Variants in ATP8A2 observed in about 807,000 individuals in gnomAD.
ATP8A2 encodes the protein phospholipid-transporting ATPase IB.
A neutral mutation model predicts 165.6 loss-of-function variants in ATP8A2; 100 were observed. That is an observed-to-expected ratio of 0.60 (90% confidence interval 0.51 to 0.71). The LOEUF (loss-of-function observed/expected upper bound fraction) is 0.71. Ranked by LOEUF, ATP8A2 falls within the 30% of genes least tolerant of loss-of-function variation. The pLI, the probability that ATP8A2 is intolerant of heterozygous loss-of-function variation, is 0.00. For missense variants in ATP8A2, 1,227 were observed against 1,479.5 expected (o/e 0.83, Z 2.80); for synonymous variants, 543 against 548.8 (o/e 0.99, Z 0.15).
At chr13:26,015,396 TTCC>T (rs1304107886) in intron 36 of ATP8A2, among the ~76,000 whole-genome samples, 1 of 152,178 alleles carries the variant, frequency 6.6e-6, no homozygotes, top group African/African-American at 2.4e-5. Context: ...AGTATTTTAG[TTCC>T]TGTGAGCCAC....
intron 2 of ATP8A2, among the ~76,000 whole-genome samples, chr13:25,505,201 G>C (rs942277159): frequency 1.5e-5 from 2 of 137,232 alleles, no homozygotes; most frequent in African/African-American, 5.7e-5. Context: ...TTTCGGCGGG[G>C]CGGGGGGGGG....
intron 2 of ATP8A2, among the ~76,000 whole-genome samples, chr13:25,512,783 G>C (rs1296177191): frequency 2.8e-5 from 4 of 141,664 alleles, no homozygotes. Context: ...CAGGCAGGGG[G>C]CTGACCCCCC....
rs368511368 is a variant in ATP8A2 at position 25,795,951 on chromosome 13, CT to C, written c.2679+21006del. ...ACAGGACAGCATTTCACTAACATAT[CT>C]TTTTTTTTTTTTTAAAAGACAGGGT... On this transcript the variant is annotated intron_variant, in intron 27 of 36. Transcript: ENST00000381655. Among the ~76,000 whole-genome samples the C allele has an allele frequency of 4.2e-3, 605 of 144,198 alleles. 2 individuals carry two copies. Among genetic ancestry groups the C allele is most frequent in the African/African-American group, 4.6e-3 (181 of 39,620 alleles). The allele number at this position is 144,198 out of a possible 152,430, so 94.6% of individuals were successfully genotyped here. A position where few individuals can be genotyped will look rare whatever the true frequency, so the allele number is the denominator to read the frequency against.
intron 1 of ATP8A2, among the ~76,000 whole-genome samples, chr13:25,449,245 C>G (rs183167758): frequency 1.4e-4 from 22 of 152,172 alleles, no homozygotes; most frequent in African/African-American, 4.6e-4. Flanking sequence ...CTAATGTAAG[C>G]ATTTAAGCTA....
chr13:25,388,602 C>G (rs947369681), intron 1 of ATP8A2, among the ~76,000 whole-genome samples: 1 of 152,308 alleles, frequency 6.6e-6, no homozygotes, highest in South Asian at 2.1e-4. Context: ...TATACAATGT[C>G]TGTAATCTAT....
chr13:25,385,940 A>AT (rs201700019), intron 1 of ATP8A2, among the ~76,000 whole-genome samples: 1,796 of 146,598 alleles, frequency 0.012, 34 homozygotes, highest in African/African-American at 0.043. Flanking sequence ...TTTGTAGACA[A>AT]TTTGCTCTGT....
chr13:25,483,507 T>G (rs1400475684), intron 2 of ATP8A2, among the ~76,000 whole-genome samples: 6 of 151,926 alleles, frequency 3.9e-5, no homozygotes, highest in Non-Finnish European at 4.4e-5. Flanking sequence ...CACCAAACTT[T>G]TGACAGATCT....
At chr13:25,900,729 T>G (rs1953716049) in intron 33 of ATP8A2, among the ~76,000 whole-genome samples, 1 of 152,148 alleles carries the variant, frequency 6.6e-6, no homozygotes, top group East Asian at 1.9e-4. Flanking sequence ...GCTTAAGATT[T>G]TATTTTTATT....
chr13:25,784,088 A>G (rs1191876923), intron 27 of ATP8A2, among the ~76,000 whole-genome samples: 1 of 152,180 alleles, frequency 6.6e-6, no homozygotes, highest in Non-Finnish European at 1.5e-5. Context: ...CCATGTGACA[A>G]TCTATGCTTT....
intron 27 of ATP8A2, among the ~76,000 whole-genome samples, chr13:25,795,868 A>G (rs1162015668): frequency 6.6e-6 from 1 of 152,090 alleles, no homozygotes; most frequent in Non-Finnish European, 1.5e-5. Context: ...AAAACTTGGT[A>G]GGTGGTGACA....
intron 24 of ATP8A2, among the ~76,000 whole-genome samples, chr13:25,611,533 T>TG (rs1264022520): frequency 6.6e-6 from 1 of 152,184 alleles, no homozygotes; most frequent in Non-Finnish European, 1.5e-5. Context: ...GATATGCTGT[T>TG]GGATTTGGTT....
intron 16 of ATP8A2, among the ~76,000 whole-genome samples, chr13:25,569,802 G>A (rs1041158005): frequency 3.3e-5 from 5 of 152,158 alleles, no homozygotes; most frequent in Non-Finnish European, 5.9e-5. Context: ...AGAAACTACT[G>A]TAAAATGTAA....
At chr13:25,589,373 A>G (rs1465987755) in intron 23 of ATP8A2, among the ~76,000 whole-genome samples, 1 of 152,334 alleles carries the variant, frequency 6.6e-6, no homozygotes, top group East Asian at 1.9e-4. Context: ...TTAATGTTAT[A>G]CAAGGATAAC....
At chr13:25,943,096 C>G (rs189186022) in intron 33 of ATP8A2, among the ~76,000 whole-genome samples, 24 of 152,198 alleles carry the variant, frequency 1.6e-4, no homozygotes, top group African/African-American at 5.8e-4. Context: ...GGAACGAGAG[C>G]ATGCGCCTCC....
rs621762 is a variant in ATP8A2 at position 25,468,662 on chromosome 13, G to A, written c.77-315G>A. On this transcript the variant is annotated intron_variant, in intron 1 of 36. Coordinates refer to ENST00000381655, the MANE Select transcript of ATP8A2 (RefSeq NM_016529.6). Reference sequence around the variant, plus strand: ...CCCCGGCCCGACAAGCAGCTTGGGCGTCCAGCCCGGCCCGGTCCCTGCAGG... The same window carrying A: ...CCCCGGCCCGACAAGCAGCTTGGGCATCCAGCCCGGCCCGGTCCCTGCAGG... 1.9e-3 allele frequency: 487 copies of A among 262,516 alleles called. 5 individuals are homozygous for A. The highest frequency in any genetic ancestry group is 8.9e-3 in the African/African-American group (390 of 43,614). The allele number at this position is 262,516 out of a possible 1,614,324, so 16.3% of individuals were successfully genotyped here. A position where few individuals can be genotyped will look rare whatever the true frequency, so the allele number is the denominator to read the frequency against.
At chr13:25,534,396 G>C (rs1163212007) in intron 6 of ATP8A2, among the ~76,000 whole-genome samples, 1 of 152,192 alleles carries the variant, frequency 6.6e-6, no homozygotes, top group Non-Finnish European at 1.5e-5. Context: ...CCAGCACTGG[G>C]AAATTGCCCC....
intron 24 of ATP8A2, among the ~76,000 whole-genome samples, chr13:25,681,568 A>G (rs1013512110): frequency 3.3e-5 from 5 of 152,170 alleles, no homozygotes; most frequent in African/African-American, 1.2e-4. Context: ...CTGGTCCGAG[A>G]CGTCTCCAGG....
chr13:25,923,582 A>G (rs1427306863), intron 33 of ATP8A2, among the ~76,000 whole-genome samples: 6 of 151,892 alleles, frequency 4.0e-5, no homozygotes, highest in Non-Finnish European at 8.8e-5. Context: ...CCATCCTGCC[A>G]TGTAGATCCA....
chr13:25,837,144 C>A lies in ATP8A2; in HGVS notation c.2755-19C>A. On this transcript the variant is annotated intron_variant, in intron 28 of 36. Coordinates refer to ENST00000381655, the MANE Select transcript of ATP8A2 (RefSeq NM_016529.6). The stretch of plus-strand genomic sequence containing the variant: ...GGATCCGAAGGGCTGCTTTTAATGG[C>A]TCATTGTTCTCCCTGCAGATTTTCA... 1 of 1,609,178 alleles carries A rather than the reference C, an allele frequency of 6.2e-7. No homozygotes were observed. The highest frequency in any genetic ancestry group is 8.5e-7 in the Non-Finnish European group (1 of 1,177,682).
Sources: allele counts gnomAD v4.1 joint callset (sites outside exome capture counted in the v4.1 genomes callset), GRCh38; gene constraint gnomAD v4.1.1; transcripts MANE v1.5; gene names NCBI Gene and HGNC (gene_info 2026-07-23, HGNC 2026-07-21).